ATP8B1: variants seen among roughly 807,000 people sequenced by gnomAD.
The protein encoded by ATP8B1 is ATPase phospholipid transporting 8B1.
A neutral mutation model predicts 149.9 loss-of-function variants in ATP8B1; 80 were observed. That is an observed-to-expected ratio of 0.53 (90% CI 0.45 to 0.64). ATP8B1 has a LOEUF of 0.64. Among genes scored for constraint, ATP8B1 ranks in the 30% least tolerant of loss-of-function variants. ATP8B1 has a pLI of 0.00. For synonymous variants in ATP8B1, 536 were observed against 562.8 expected (o/e 0.95, Z 0.67); for missense variants, 1,247 against 1,552.6 (o/e 0.80, Z 3.31).
intron 4 of ATP8B1, among the ~76,000 whole-genome samples, chr18:57,703,589 A>AG (rs1210871141): frequency 1.3e-5 from 2 of 151,814 alleles, no homozygotes; most frequent in East Asian, 1.9e-4. Context: ...AAAAAAAAAA[A>AG]AAAAGAATCT....
chr18:57,742,604 G>A (rs1230329634), intron 1 of ATP8B1, among the ~76,000 whole-genome samples: 2 of 152,148 alleles, frequency 1.3e-5, no homozygotes, highest in Non-Finnish European at 2.9e-5. Flanking sequence ...AGCTGAGGCA[G>A]GAGGATCATT....
intron 1 of ATP8B1, among the ~76,000 whole-genome samples, chr18:57,764,808 GA>G (rs2080196075): frequency 6.7e-6 from 1 of 149,728 alleles, no homozygotes; most frequent in Non-Finnish European, 1.5e-5. Context: ...TGAGGCTGCA[GA>G]GGAGTTGAAA....
intron 11 of ATP8B1, 128 bp from the exon 12 acceptor site, chr18:57,692,125 A>G (rs772673159): frequency 1.4e-6 from 2 of 1,418,944 alleles, no homozygotes; most frequent in Non-Finnish European, 1.9e-6. Context: ...AAAATAATAT[A>G]TGTCAAATAA....
intron 8 of ATP8B1, 111 bp downstream of exon 8, chr18:57,697,507 G>T: frequency 9.0e-7 from 1 of 1,107,808 alleles, no homozygotes; most frequent in Non-Finnish European, 1.4e-6. Flanking sequence ...GCAGCAGGTG[G>T]CAGAGGCAAG....
At chr18:57,695,039 A>G (rs1912733610) in intron 10 of ATP8B1, 132 bp downstream of exon 10, 1 of 783,054 alleles carries the variant, frequency 1.3e-6, no homozygotes, top group Non-Finnish European at 1.9e-6. Context: ...CAAAAAAAAA[A>G]AAAAAAAAAA....
intron 11 of ATP8B1, among the ~76,000 whole-genome samples, chr18:57,693,375 G>A (rs1912639003): frequency 6.6e-6 from 1 of 152,142 alleles, no homozygotes; most frequent in Non-Finnish European, 1.5e-5. Flanking sequence ...TAACTTAGAT[G>A]TTTGGAGGAT....
chr18:57,720,899 C>T (rs1488631391), intron 2 of ATP8B1, among the ~76,000 whole-genome samples: 2 of 151,174 alleles, frequency 1.3e-5, no homozygotes, highest in Admixed American at 6.6e-5. Context: ...GCGGATCTCT[C>T]GGCAGAAACC....
chr18:57,657,125 AT>A (rs911804959), intron 22 of ATP8B1, among the ~76,000 whole-genome samples: 21 of 152,074 alleles, frequency 1.4e-4, no homozygotes, highest in African/African-American at 4.3e-4. Context: ...CACTCCTCAA[AT>A]TTAATTTTTT....
Position 57,688,406 on chromosome 18 carries a change from A to G in ATP8B1, c.1322T>C (p.Leu441Pro). Residue 441 changes from leucine to proline, a missense_variant, in exon 13 of 28, where the codon CTC becomes CCC. By Grantham distance (98) the Leu-to-Pro change is moderately conservative. This residue lies in a region of ATP8B1 where 853 missense variants were observed against 1,035.7 expected (regional missense o/e 0.82). Coordinates refer to ENST00000648908, the MANE Select transcript of ATP8B1 (RefSeq NM_001374385.1). Reference sequence around the variant, plus strand: ...ATGGATCTGCCCGAGCTGTTCATTGAGTGTGGTGGTTCTAGCTTTTGCGGG... The same window carrying G: ...ATGGATCTGCCCGAGCTGTTCATTGGGTGTGGTGGTTCTAGCTTTTGCGGG... The part of the protein sequence containing the change: ...DTPAKARTTT[L>P]NEQLGQIHYI... 3.1e-6 allele frequency: 5 copies of G among 1,614,142 alleles called. No individual in the cohort carries two copies. Among genetic ancestry groups the G allele is most frequent in the Non-Finnish European group, 4.2e-6 (5 of 1,180,016 alleles).
intron 1 of ATP8B1, among the ~76,000 whole-genome samples, chr18:57,754,676 T>C (rs2080060592): frequency 6.6e-6 from 1 of 152,134 alleles, no homozygotes; most frequent in African/African-American, 2.4e-5. Flanking sequence ...CATCACCAAA[T>C]TGACACTTCA....
In ATP8B1 at chr18:57,668,898, T is replaced by C. The variant is rs373242744; in HGVS notation, c.2098-358A>G. Reference sequence around the variant, plus strand: ...CTATTTGTTGAATATTTTCCACTTATCTAAACCCTACAAAAACTATGTATT... The same window carrying C: ...CTATTTGTTGAATATTTTCCACTTACCTAAACCCTACAAAAACTATGTATT... On this transcript the variant is annotated intron_variant, in intron 18 of 27. Transcript: ENST00000648908. 2.4e-4 allele frequency: 55 copies of C among 233,844 alleles called. 1 individual carries two copies. Among genetic ancestry groups the C allele is most frequent in the Middle Eastern group, 1.6e-3 (1 of 632 alleles). 14.5% of individuals were successfully genotyped at this position (233,844 alleles called of 1,614,324 possible).
intron 1 of ATP8B1, among the ~76,000 whole-genome samples, chr18:57,756,305 A>ATATGTG (rs1555653789): frequency 9.4e-6 from 1 of 106,130 alleles, no homozygotes; most frequent in South Asian, 2.8e-4. Flanking sequence ...GTGTATGTAT[A>ATATGTG]TATATATATA....
intron 2 of ATP8B1, among the ~76,000 whole-genome samples, chr18:57,712,702 T>C (rs975572095): frequency 2.0e-5 from 3 of 151,518 alleles, no homozygotes; most frequent in African/African-American, 7.3e-5. Flanking sequence ...GCTCGGCCCC[T>C]CCCCGCCAAC....
chr18:57,664,501 G>GAAAAAAAA (rs532262308), intron 20 of ATP8B1, among the ~76,000 whole-genome samples: 2 of 99,492 alleles, frequency 2.0e-5, no homozygotes, highest in Non-Finnish European at 3.8e-5. Context: ...GTCTTTCTAA[G>GAAAAAAAA]AAAAAAAAAA....
At chr18:57,672,283 AC>A (rs1462492092) in intron 16 of ATP8B1, among the ~76,000 whole-genome samples, 1 of 152,080 alleles carries the variant, frequency 6.6e-6, no homozygotes, top group Admixed American at 6.6e-5. Flanking sequence ...CGACCACAAC[AC>A]CACTCCTAAT....
chr18:57,755,505 T>A (rs1000701606), intron 1 of ATP8B1: 3 of 150,524 alleles, frequency 2.0e-5, no homozygotes, highest in Non-Finnish European at 4.4e-5. Flanking sequence ...TTGTAAAAAT[T>A]AAAAAAAAAA....
intron 1 of ATP8B1, among the ~76,000 whole-genome samples, chr18:57,787,234 T>C (rs2080418344): frequency 1.3e-5 from 2 of 152,220 alleles, no homozygotes; most frequent in South Asian, 4.1e-4. Context: ...CGGTCACCAA[T>C]CTTTATATAC....
At chr18:57,727,133 G>C (rs1157464932) in intron 2 of ATP8B1, among the ~76,000 whole-genome samples, 2 of 152,034 alleles carry the variant, frequency 1.3e-5, no homozygotes, top group African/African-American at 4.8e-5. Context: ...AGATGGCACA[G>C]TATCACCACC....
chr18:57,741,583 G>C (rs1281786875), intron 1 of ATP8B1, among the ~76,000 whole-genome samples: 1 of 152,218 alleles, frequency 6.6e-6, no homozygotes, highest in African/African-American at 2.4e-5. Context: ...CTAATACGGA[G>C]AACCCAGTTA....
Sources: gnomAD v4.1 joint callset for allele counts (sites outside exome capture counted in the v4.1 genomes callset) on GRCh38, gnomAD v4.1.1 for gene constraint, gnomAD v4.1.1 regional missense constraint, MANE v1.5 for transcripts, NCBI Gene and HGNC (gene_info 2026-07-23, HGNC 2026-07-21) for gene names.